The following ATP6V1B2 variants were observed in gnomAD, a reference collection of about 807,000 sequenced individuals.
ATP6V1B2 encodes V-type proton ATPase subunit B, brain isoform.
Under a neutral mutation model 66.7 loss-of-function variants are expected in ATP6V1B2, and 23 were observed. The observed-to-expected ratio is 0.34, with a 90% CI of 0.25 to 0.49. The LOEUF is 0.49. ATP6V1B2 is among the 20% of genes least tolerant of loss of function. The pLI is 0.99. For synonymous variants in ATP6V1B2, 278 were observed against 236.7 expected (o/e 1.17, Z -1.60); for missense variants, 478 against 650.8 (o/e 0.73, Z 2.89).
intron 12 of ATP6V1B2, 118 bp downstream of exon 12, chr8:20,217,442 T>G (rs908896929): frequency 2.2e-6 from 2 of 890,302 alleles, no homozygotes; most frequent in African/African-American, 3.3e-5. Flanking sequence ...AATTTTAGTG[T>G]AGGCTTGATG....
intron 9 of ATP6V1B2, 146 bp downstream of exon 9, chr8:20,213,051 A>G: frequency 8.7e-7 from 1 of 1,152,026 alleles, no homozygotes; most frequent in East Asian, 2.6e-5. Context: ...CAGAAAGGAA[A>G]CTACTTCGTT....
At position 20,197,508 on chromosome 8, in the gene ATP6V1B2, A is replaced by T; in HGVS notation, c.102A>T (p.Ala34=). Residue 34 remains alanine (A), a synonymous_variant, in exon 1 of 14, where the codon GCA becomes GCT. Coordinates refer to ENST00000276390, the MANE Select transcript of ATP6V1B2 (RefSeq NM_001693.4). ...TGGGAGCTCGGGAGCAGGCGCTGGC[A>T]GTCAGTCGGAACTACCTCTCCCAGC... ...PAVGAREQAL[A]VSRNYLSQPR... 3 of 1,486,664 alleles carry T rather than the reference A, an allele frequency of 2.0e-6. No individual in the cohort carries two copies. The highest frequency in any genetic ancestry group is 2.7e-6 in the Non-Finnish European group (3 of 1,116,488). The allele number at this position is 1,486,664 out of a possible 1,614,324, so 92.1% of individuals were successfully genotyped here. A position where few individuals can be genotyped will look rare whatever the true frequency, so the allele number is the denominator to read the frequency against.
At chr8:20,218,930 A>G (rs2072881520) in intron 13 of ATP6V1B2, among the ~76,000 whole-genome samples, 1 of 152,074 alleles carries the variant, frequency 6.6e-6, no homozygotes, top group African/African-American at 2.4e-5. Context: ...TGCCCTTTCA[A>G]TTTTTATCTA....
At chr8:20,200,817 T>C (rs942894457) in intron 1 of ATP6V1B2, among the ~76,000 whole-genome samples, 7 of 152,226 alleles carry the variant, frequency 4.6e-5, no homozygotes, top group African/African-American at 7.2e-5. Context: ...CTAGAACCTC[T>C]TCTTCAGGTG....
intron 2 of ATP6V1B2, among the ~76,000 whole-genome samples, chr8:20,205,366 G>A (rs1431313860): frequency 6.6e-6 from 1 of 152,162 alleles, no homozygotes; most frequent in South Asian, 2.1e-4. Context: ...CAACGAGAAC[G>A]GGGTCTCCCC....
intron 2 of ATP6V1B2, among the ~76,000 whole-genome samples, chr8:20,206,616 C>T (rs978940437): frequency 3.3e-5 from 5 of 152,112 alleles, no homozygotes; most frequent in Admixed American, 6.6e-5. Context: ...TGAAGAGTCC[C>T]GAGCACAGAA....
intron 1 of ATP6V1B2, 58 bp from the exon 2 acceptor site, chr8:20,204,426 G>A: frequency 2.0e-6 from 3 of 1,467,572 alleles, no homozygotes; most frequent in Admixed American, 1.7e-5. Flanking sequence ...ATGCCAGAGA[G>A]CTAATTTAAG....
chr8:20,201,643 A>C (rs2128884570), intron 1 of ATP6V1B2, among the ~76,000 whole-genome samples: 1 of 152,348 alleles, frequency 6.6e-6, no homozygotes, highest in South Asian at 2.1e-4. Context: ...AAAGAAAAAC[A>C]AAACAGTTAG....
rs1165259571 is a variant in ATP6V1B2 at position 20,221,465 on chromosome 8, ATCT to A, written c.*1067_*1069del. ...GCCTTCCTGACGTGAGCCCTGAGCGATCTTCTATGCAGTTCTGCCATGCGTCCT... is the reference window on the plus strand; with the variant it reads ...GCCTTCCTGACGTGAGCCCTGAGCGATCTATGCAGTTCTGCCATGCGTCCT... On this transcript the variant is annotated 3_prime_UTR_variant, in exon 14 of 14. Transcript: ENST00000276390. The A allele has an allele frequency of 1.3e-5, 2 of 152,482 alleles. No homozygotes were observed. Among genetic ancestry groups the A allele is most frequent in the Non-Finnish European group, 1.5e-5 (1 of 68,042 alleles). 9.4% of individuals were successfully genotyped at this position (152,482 alleles called of 1,614,324 possible). A position where few individuals can be genotyped will look rare whatever the true frequency, so the allele number is the denominator to read the frequency against.
chr8:20,206,273 A>G (rs1251389906), intron 2 of ATP6V1B2, among the ~76,000 whole-genome samples: 1 of 152,178 alleles, frequency 6.6e-6, no homozygotes, highest in Non-Finnish European at 1.5e-5. Flanking sequence ...ATGCCCTGCA[A>G]TTTAGCTCAG....
At chr8:20,218,352 A>G (rs2072875373) in intron 13 of ATP6V1B2, 70 bp downstream of exon 13, 5 of 1,563,974 alleles carry the variant, frequency 3.2e-6, no homozygotes, top group South Asian at 2.4e-5. Flanking sequence ...TTCCAAGCCT[A>G]AGAAAATTCT....
At chr8:20,208,843 T>G (rs2072764001) in intron 2 of ATP6V1B2, among the ~76,000 whole-genome samples, 1 of 151,966 alleles carries the variant, frequency 6.6e-6, no homozygotes, top group Non-Finnish European at 1.5e-5. Context: ...TAGCTGGGAT[T>G]ACAGGCCTGT....
chr8:20,218,393 T>TAACC, intron 13 of ATP6V1B2, 111 bp downstream of exon 13: 2 of 1,376,394 alleles, frequency 1.5e-6, no homozygotes, highest in Non-Finnish European at 1.9e-6. Flanking sequence ...TTTCTCTGGT[T>TAACC]AGAGAAGAGG....
chr8:20,206,384 C>A lies in ATP6V1B2; in HGVS notation c.192+1845C>A, dbSNP rs2072738655. ...CAGATGCCAATCAAAAGTAGTGGGT[C>A]CCCAGGTTACCCACAGCTACTGTCC... On this transcript the variant is annotated intron_variant, in intron 2 of 13. Coordinates refer to ENST00000276390, the MANE Select transcript of ATP6V1B2 (RefSeq NM_001693.4). Among the ~76,000 whole-genome samples, 3 of 152,122 alleles carry A rather than the reference C, an allele frequency of 2.0e-5. No individual in the cohort carries two copies. The South Asian group carries it at 6.2e-4, about 32-fold the overall frequency.
chr8:20,199,049 G>A (rs1414895968), intron 1 of ATP6V1B2, among the ~76,000 whole-genome samples: 1 of 152,184 alleles, frequency 6.6e-6, no homozygotes, highest in Non-Finnish European at 1.5e-5. Context: ...AGGTGCAGTA[G>A]TCAGTTTCCA....
intron 9 of ATP6V1B2, chr8:20,214,107 G>T (rs540787746): frequency 6.6e-6 from 1 of 152,276 alleles, no homozygotes; most frequent in Admixed American, 6.5e-5. Flanking sequence ...GCTGTAGCAC[G>T]CTCCTTTGAA....
intron 1 of ATP6V1B2, among the ~76,000 whole-genome samples, chr8:20,200,522 T>C (rs1218657760): frequency 2.0e-5 from 3 of 152,230 alleles, no homozygotes; most frequent in Admixed American, 6.5e-5. Context: ...GCTTCAAGAT[T>C]ATAGGACTTT....
At chr8:20,198,152 T>C (rs1315171639) in intron 1 of ATP6V1B2, among the ~76,000 whole-genome samples, 1 of 152,178 alleles carries the variant, frequency 6.6e-6, no homozygotes, top group Non-Finnish European at 1.5e-5. Flanking sequence ...GGTCATCCAG[T>C]CCAACCCTAT....
At chr8:20,204,186 G>A (rs76583076) in intron 1 of ATP6V1B2, 4,445 of 407,014 alleles carry the variant, frequency 0.011, 157 homozygotes, top group African/African-American at 0.074. Flanking sequence ...CCTCGCATAA[G>A]ACTGAACTTT....
Sources: allele counts gnomAD v4.1 joint callset (sites outside exome capture counted in the v4.1 genomes callset), GRCh38; gene constraint gnomAD v4.1.1; transcripts MANE v1.5; gene names NCBI Gene and HGNC (gene_info 2026-07-23, HGNC 2026-07-21).